HRG: variants seen among roughly 807,000 people sequenced by gnomAD.
HRG encodes the protein histidine-rich glycoprotein.
A neutral mutation model predicts 29.5 loss-of-function variants in HRG; 26 were observed. That is an observed-to-expected ratio of 0.88 (90% CI 0.65 to 1.22). The LOEUF (loss-of-function observed/expected upper bound fraction) is 1.22, where lower values mean the gene tolerates loss of function less well. HRG is among the 50% of genes most tolerant of loss of function. HRG has a pLI of 0.00. For missense variants in HRG, 671 were observed against 654.5 expected, an observed-to-expected ratio of 1.03 and a Z score of -0.28; for synonymous variants, 243 against 240.4, an observed-to-expected ratio of 1.01 and a Z score of -0.10.
In HRG at chr3:186,675,969, A is replaced by G. The variant is rs1470926511; in HGVS notation, c.741+779A>G. Among the ~76,000 whole-genome samples the G allele has an allele frequency of 2.0e-5, 3 of 146,850 alleles. No individual in the cohort carries two copies. The East Asian group carries it at 6.2e-4, about 30-fold the overall frequency. On this transcript the variant is annotated intron_variant, in intron 6 of 6. Coordinates refer to ENST00000232003, the MANE Select transcript of HRG (RefSeq NM_000412.5). ...ACCACAACCTCTGCCTCCTGGGTTC[A>G]AGCGATTCTCCTGCCTCAGCCTCCT...
At chr3:186,675,306 TGTGAGAGAGA>T in intron 6 of HRG, 116 bp downstream of exon 6, 1 of 463,222 alleles carries the variant, frequency 2.2e-6, no homozygotes. Context: ...TGTGTGTGTG[TGTGAGAGAGA>T]GAGAGAGAGA....
At chr3:186,675,327 GAGAGAC>G (rs1718945765) in intron 6 of HRG, 137 bp downstream of exon 6, 2 of 676,702 alleles carry the variant, frequency 3.0e-6, no homozygotes, top group African/African-American at 1.8e-5. Context: ...GAGAGAGAGA[GAGAGAC>G]AGAGACAGAG....
intron 5 of HRG, 81 bp downstream of exon 5, chr3:186,672,948 GGAGAGGAAGGAGAA>G: frequency 2.2e-6 from 2 of 905,486 alleles, no homozygotes; most frequent in Admixed American, 3.5e-5. Flanking sequence ...AGAAGGAGAA[GGAGAGGAAGGAGAA>G]GAAGGAGAAG....
rs533523120 is a variant in HRG at position 186,676,326 on chromosome 3, G to A, written c.742-721G>A. Among the ~76,000 whole-genome samples the A allele has an allele frequency of 2.9e-4, 44 of 152,016 alleles. No homozygotes were observed. In the South Asian group the frequency reaches 4.2e-3, roughly 14 times the overall value. On this transcript the variant is annotated intron_variant, in intron 6 of 6. Coordinates refer to ENST00000232003, the MANE Select transcript of HRG (RefSeq NM_000412.5). ...TTTTCCAGTGTTGGTCTACAGATGG[G>A]TGCCAGGTCATAATATTGTTTCACC...
In HRG at chr3:186,675,304, T is replaced by TGAGAGAGAGA. The variant is rs1474974601; in HGVS notation, c.741+115_741+116insAGAGAGAGAG. The TGAGAGAGAGA allele has an allele frequency of 1.3e-4, 63 of 490,272 alleles. No individual in the cohort carries two copies. The Middle Eastern group carries it at 1.6e-3, about 12-fold the overall frequency. The allele number at this position is 490,272 out of a possible 1,614,324, so 30.4% of individuals were successfully genotyped here. A position where few individuals can be genotyped will look rare whatever the true frequency, so the allele number is the denominator to read the frequency against. ...GAGTGGGTGTGTGTGTGTGTGTGTG[T>TGAGAGAGAGA]GTGTGAGAGAGAGAGAGAGAGAGAG... is the stretch of plus-strand genomic sequence containing the variant. On this transcript the variant is annotated intron_variant, in intron 6 of 6. Transcript: ENST00000232003.
intron 6 of HRG, 65 bp from the exon 7 acceptor site, chr3:186,676,977 ATCAAG>A: frequency 1.3e-6 from 2 of 1,586,892 alleles, no homozygotes; most frequent in Non-Finnish European, 8.6e-7. Context: ...ATTGGTGTAA[ATCAAG>A]TCAAGTATCT....
chr3:186,673,055 A>AGT, intron 5 of HRG, 188 bp downstream of exon 5: 2 of 654,142 alleles, frequency 3.1e-6, no homozygotes, highest in Non-Finnish European at 5.5e-6. Flanking sequence ...GGAAGCACTT[A>AGT]GTACCTGCCA....
At chr3:186,671,424 TG>T (rs1159278712) in intron 3 of HRG, among the ~76,000 whole-genome samples, 198 bp from the exon 4 acceptor site, 10 of 151,770 alleles carry the variant, frequency 6.6e-5, no homozygotes, top group Admixed American at 3.9e-4. Context: ...AACATAGACA[TG>T]GGGATCAGAA....
chr3:186,675,995 G>C (rs918085554), intron 6 of HRG, among the ~76,000 whole-genome samples: 3 of 149,888 alleles, frequency 2.0e-5, no homozygotes, highest in African/African-American at 7.4e-5. Context: ...TCAGCCTCCT[G>C]AGTAGCTAGG....
intron 5 of HRG, chr3:186,673,526 A>G (rs1343297102): frequency 6.2e-6 from 1 of 161,156 alleles, no homozygotes; most frequent in Non-Finnish European, 1.4e-5. Flanking sequence ...TAAGAACATG[A>G]TTTTATAATA....
At chr3:186,668,875 TA>T in intron 1 of HRG, 59 bp from the exon 2 acceptor site, 3 of 738,830 alleles carry the variant, frequency 4.1e-6, no homozygotes, top group South Asian at 1.6e-5. Context: ...CTTTAATACA[TA>T]AAAAAAAACC....
chr3:186,672,911 GA>G (rs1718850153), intron 5 of HRG, 44 bp downstream of exon 5: 4 of 1,273,366 alleles, frequency 3.1e-6, no homozygotes, highest in Non-Finnish European at 4.6e-6. Flanking sequence ...GAGTCACAGA[GA>G]AAAAAGAAAG....
Position 186,677,868 on chromosome 3 carries a change from T to C in HRG, c.1563T>C (p.His521=). ...CACAAGTTTCCATGTTTTTTACACA[T>C]ACATTTCCAAAATAAAATGTGATTC... ...GFPQVSMFFT[H]TFPK The change falls in exon 7 of 7, where the codon CAT becomes CAC. Residue 521 remains histidine (H), a synonymous_variant. Transcript: ENST00000232003. 1.2e-6 allele frequency: 2 copies of C among 1,613,660 alleles called. No individual in the cohort carries two copies. Among genetic ancestry groups the C allele is most frequent in the Non-Finnish European group, 1.7e-6 (2 of 1,179,524 alleles).
intron 1 of HRG, chr3:186,667,150 T>A (rs942077317): frequency 2.0e-5 from 3 of 152,190 alleles, no homozygotes; most frequent in African/African-American, 7.2e-5. Flanking sequence ...CTTCATGGCC[T>A]CTCTGTGTGG....
Position 186,678,166 on chromosome 3 carries a change from T to A in HRG, c.*283T>A. 2.4e-6 allele frequency: 1 copy of A among 413,276 alleles called. No individual in the cohort carries two copies. The highest frequency in any genetic ancestry group is 4.5e-6 in the Non-Finnish European group (1 of 224,212). 25.6% of individuals were successfully genotyped at this position (413,276 alleles called of 1,614,324 possible). A position where few individuals can be genotyped will look rare whatever the true frequency, so the allele number is the denominator to read the frequency against. ...TCTCCTTCTTTCCTGGACTTAACTC[T>A]AATTCTAGAGTCTCTGTTACTGCTT... On this transcript the variant is annotated 3_prime_UTR_variant, in exon 7 of 7. Coordinates refer to ENST00000232003, the MANE Select transcript of HRG (RefSeq NM_000412.5).
At position 186,675,028 on chromosome 3, in the gene HRG, C is replaced by T. The variant is rs1718922079; in HGVS notation, c.640-61C>T. ...TTTTCTGAATGTCTGGAAGCTAACTCTGGCTGGTCATCTTCACACCACCTG... is the reference window on the plus strand; with the variant it reads ...TTTTCTGAATGTCTGGAAGCTAACTTTGGCTGGTCATCTTCACACCACCTG... On this transcript the variant is annotated intron_variant, in intron 5 of 6. Transcript: ENST00000232003. 3 of 1,088,726 alleles carry T rather than the reference C, an allele frequency of 2.8e-6. No individual in the cohort carries two copies. In the South Asian group the frequency reaches 3.7e-5, roughly 14 times the overall value. 67.4% of individuals were successfully genotyped at this position (1,088,726 alleles called of 1,614,324 possible). A position where few individuals can be genotyped will look rare whatever the true frequency, so the allele number is the denominator to read the frequency against.
chr3:186,670,799 G>C (rs1237464959), intron 3 of HRG, among the ~76,000 whole-genome samples: 3 of 152,078 alleles, frequency 2.0e-5, no homozygotes, highest in African/African-American at 7.2e-5. Flanking sequence ...TGCCCACCTT[G>C]ACCTCCCAAA....
chr3:186,669,130 G>T (rs761344325), intron 2 of HRG, 79 bp downstream of exon 2: 10 of 852,698 alleles, frequency 1.2e-5, no homozygotes, highest in Non-Finnish European at 2.1e-5. Flanking sequence ...CAATGCCTGG[G>T]CTAACACAGT....
chr3:186,674,532 C>T (rs939097933), intron 5 of HRG: 4 of 179,398 alleles, frequency 2.2e-5, no homozygotes, highest in African/African-American at 9.5e-5. Context: ...TTGTCCTAGT[C>T]GATCTTTCAC....
Sources: gnomAD v4.1 joint callset for allele counts (sites outside exome capture counted in the v4.1 genomes callset) on GRCh38, gnomAD v4.1.1 for gene constraint, MANE v1.5 for transcripts, NCBI Gene and HGNC (gene_info 2026-07-23, HGNC 2026-07-21) for gene names.